The following PYGM variants were observed in gnomAD, a reference collection of about 807,000 sequenced individuals.
PYGM encodes glycogen phosphorylase, muscle associated.
In PYGM, 81 loss-of-function variants were observed where a neutral mutation model predicts 99.3. That is an observed-to-expected ratio of 0.82 (90% CI 0.68 to 0.98). PYGM has a LOEUF of 0.98. Among genes scored for constraint, PYGM ranks in the 50% least tolerant of loss-of-function variants. The probability of loss-of-function intolerance (pLI) is 0.00; values close to 1 mark genes in which losing one functional copy is unlikely to be tolerated. For missense variants in PYGM, 1,030 were observed against 1,158.1 expected (o/e 0.89, Z 1.61); for synonymous variants, 436 against 451.5 (o/e 0.97, Z 0.44).
At chr11:64,749,273 G>A (rs2135826735) in intron 17 of PYGM, among the ~76,000 whole-genome samples, 1 of 152,258 alleles carries the variant, frequency 6.6e-6, no homozygotes, top group East Asian at 1.9e-4. Context: ...CTTGTACCCG[G>A]GCGGTGGAGG....
chr11:64,757,885 C>A lies in PYGM; in HGVS notation c.554G>T (p.Arg185Leu). 6.2e-7 allele frequency: 1 copy of A among 1,614,122 alleles called. No homozygotes were observed. Among genetic ancestry groups the A allele is most frequent in the Non-Finnish European group, 8.5e-7 (1 of 1,180,038 alleles). Residue 185 changes from arginine (R) to leucine (L), a missense_variant, in exon 5 of 20, where the codon CGC becomes CTC. Arg to Leu is a moderately radical substitution (Grantham distance 102, BLOSUM62 -2). Coordinates refer to ENST00000164139, the MANE Select transcript of PYGM (RefSeq NM_005609.4). ...WQMEEADDWL[R>L]YGNPWEKARP... ...GGCCTTCTCCCAGGGGTTGCCGTAG[C>A]GAAGCCAGTCATCGGCCTCCTCCAT... is the stretch of plus-strand genomic sequence containing the variant.
At chr11:64,752,250 A>G (rs2058361900) in intron 13 of PYGM, among the ~76,000 whole-genome samples, 153 bp downstream of exon 13, 1 of 152,110 alleles carries the variant, frequency 6.6e-6, no homozygotes, top group Non-Finnish European at 1.5e-5. Context: ...GTGAGGTCAG[A>G]TGATGCCTTC....
intron 4 of PYGM, 41 bp from the exon 5 acceptor site, chr11:64,757,951 A>G (rs1384826324): frequency 1.2e-6 from 2 of 1,612,262 alleles, no homozygotes; most frequent in African/African-American, 2.7e-5. Flanking sequence ...CAGCAGTATC[A>G]GTACAGGCAC....
intron 5 of PYGM, among the ~76,000 whole-genome samples, chr11:64,756,974 AT>A (rs915391493): frequency 2.0e-5 from 3 of 149,906 alleles, no homozygotes; most frequent in South Asian, 2.1e-4. Flanking sequence ...AATTTTTTAA[AT>A]TTTTTTTTTG....
At position 64,754,559 on chromosome 11, in the gene PYGM, C is replaced by T; in HGVS notation, c.999+134G>A. 1 of 1,348,514 alleles carries T rather than the reference C, an allele frequency of 7.4e-7. No individual in the cohort carries two copies. The highest frequency in any genetic ancestry group is 1.0e-6 in the Non-Finnish European group (1 of 980,286). 83.5% of individuals were successfully genotyped at this position (1,348,514 alleles called of 1,614,324 possible). A position where few individuals can be genotyped will look rare whatever the true frequency, so the allele number is the denominator to read the frequency against. The stretch of plus-strand genomic sequence containing the variant: ...GGTTCTGAGCCTGTGGATTGTGAAT[C>T]CTGAACAACTGACCCTCCCACACTC... On this transcript the variant is annotated intron_variant, in intron 8 of 19. Coordinates refer to ENST00000164139, the MANE Select transcript of PYGM (RefSeq NM_005609.4). The surrounding 1 kb of genome is among the most constrained non-coding windows in gnomAD (Gnocchi z 5.5).
Position 64,752,496 on chromosome 11 carries a change from C to A in PYGM, c.1527G>T (p.Gly509=), listed in dbSNP as rs114730784. Reference sequence around the variant, plus strand: ...GGTCCAGGTCAGAGATGAAGTCCTCCCCGATGCGCTATGGGAAGACGGCTC... The same window carrying A: ...GGTCCAGGTCAGAGATGAAGTCCTCACCGATGCGCTATGGGAAGACGGCTC... ...GLAEVIAERI[G]EDFISDLDQL... Residue 509 remains glycine, a synonymous_variant, in exon 13 of 20, where the codon GGG becomes GGT. Coordinates refer to ENST00000164139, the MANE Select transcript of PYGM (RefSeq NM_005609.4). 2.2e-4 allele frequency: 363 copies of A among 1,613,968 alleles called. 4 individuals carry two copies. The East Asian group carries it at 4.7e-3, about 21-fold the overall frequency.
At position 64,758,371 on chromosome 11, in the gene PYGM, G is replaced by A. The variant is rs61884454; in HGVS notation, c.425-22C>T. 0.031 allele frequency: 49,316 copies of A among 1,612,576 alleles called. 1,164 individuals are homozygous for A. Among genetic ancestry groups the A allele is most frequent in the Admixed American group, 0.11 (6,593 of 60,004 alleles). On this transcript the variant is annotated intron_variant, in intron 3 of 19. Coordinates refer to ENST00000164139, the MANE Select transcript of PYGM (RefSeq NM_005609.4). ...CAGGCTGGGGGTGTGCAGGGAGGTG[G>A]CTGTCAGGGACCCAGCAAGGAGGAC...
chr11:64,754,439 C>A lies in PYGM; in HGVS notation c.1000-94G>T. The A allele has an allele frequency of 2.5e-6, 3 of 1,221,782 alleles. No homozygotes were observed. The highest frequency in any genetic ancestry group is 2.5e-5 in the East Asian group (1 of 40,602). The allele number at this position is 1,221,782 out of a possible 1,614,324, so 75.7% of individuals were successfully genotyped here. A position where few individuals can be genotyped will look rare whatever the true frequency, so the allele number is the denominator to read the frequency against. ...ATTTGGAGGCCCCCAGAGAGCCCAG[C>A]ACGGTTCTGTGACTGGGCTGTGGGC... On this transcript the variant is annotated intron_variant, in intron 8 of 19. Coordinates refer to ENST00000164139, the MANE Select transcript of PYGM (RefSeq NM_005609.4). The surrounding 1 kb of genome is among the most constrained non-coding windows in gnomAD (Gnocchi z 5.5).
chr11:64,754,443 G>T lies in PYGM; in HGVS notation c.1000-98C>A. The T allele has an allele frequency of 9.7e-7, 1 of 1,028,222 alleles. No homozygotes were observed. Among genetic ancestry groups the T allele is most frequent in the Non-Finnish European group, 1.4e-6 (1 of 713,094 alleles). The allele number at this position is 1,028,222 out of a possible 1,614,324, so 63.7% of individuals were successfully genotyped here. A position where few individuals can be genotyped will look rare whatever the true frequency, so the allele number is the denominator to read the frequency against. ...GGAGGCCCCCAGAGAGCCCAGCACG[G>T]TTCTGTGACTGGGCTGTGGGCAGAG... is the stretch of plus-strand genomic sequence containing the variant. On this transcript the variant is annotated intron_variant, in intron 8 of 19. Coordinates refer to ENST00000164139, the MANE Select transcript of PYGM (RefSeq NM_005609.4). This position sits in a 1 kb window ranked among gnomAD's most constrained non-coding sequence, Gnocchi z 5.5.
intron 17 of PYGM, 124 bp from the exon 18 acceptor site, chr11:64,747,482 T>C: frequency 7.6e-7 from 1 of 1,315,170 alleles, no homozygotes; most frequent in African/African-American, 1.4e-5. Context: ...TCCCCAGGGC[T>C]GCCACATCGC....
chr11:64,751,206 G>A, intron 16 of PYGM, 119 bp downstream of exon 16: 2 of 1,456,302 alleles, frequency 1.4e-6, no homozygotes, highest in South Asian at 2.4e-5. Flanking sequence ...CATGGTTTAA[G>A]CATTGCCCTC....
At chr11:64,752,626 C>CAG in intron 12 of PYGM, 122 bp from the exon 13 acceptor site, 1 of 1,011,138 alleles carries the variant, frequency 9.9e-7, no homozygotes, top group Non-Finnish European at 1.5e-6. Flanking sequence ...GGGGCCCTCC[C>CAG]AGCCCCTCCT....
At position 64,751,332 on chromosome 11, in the gene PYGM, G is replaced by C. The variant is rs368964406; in HGVS notation, c.1962C>G (p.Ala654=). Residue 654 remains alanine (A), a synonymous_variant, in exon 16 of 20, where the codon GCC becomes GCG. Coordinates refer to ENST00000164139, the MANE Select transcript of PYGM (RefSeq NM_005609.4). ...CCTGTTGGCAGCACCCACCTTTCTC[G>C]GCCAGTGAGACTCGGTAGTTCTCCA... The part of the protein sequence containing the change: ...IFLENYRVSL[A]EKVIPAADLS... 53 of 1,614,118 alleles carry C rather than the reference G, an allele frequency of 3.3e-5. No individual in the cohort carries two copies. The highest frequency in any genetic ancestry group is 4.3e-5 in the Non-Finnish European group (51 of 1,180,042).
Position 64,746,957 on chromosome 11 carries a change from G to GAAGACTACAT in PYGM, c.2342_2343insATGTAGTCTT (p.Tyr781Ter). On this transcript the variant is annotated stop_gained and frameshift_variant, in exon 19 of 20. Coordinates refer to ENST00000164139, the MANE Select transcript of PYGM (RefSeq NM_005609.4). LOFTEE classifies it high-confidence loss of function. ...CGCTGACTTTCTCCTGGCATTTAATGTAGTCTTCATAATCTGCGAAGACTT... is the reference window on the plus strand; with the variant it reads ...CGCTGACTTTCTCCTGGCATTTAATGAAGACTACATTAGTCTTCATAATCTGCGAAGACTT... 6.2e-7 allele frequency: 1 copy of GAAGACTACAT among 1,614,170 alleles called. No homozygotes were observed. Among genetic ancestry groups the GAAGACTACAT allele is most frequent in the Non-Finnish European group, 8.5e-7 (1 of 1,180,024 alleles).
In PYGM at chr11:64,755,140, G is replaced by C; in HGVS notation, c.855+133C>G. On this transcript the variant is annotated intron_variant, in intron 7 of 19. Coordinates refer to ENST00000164139, the MANE Select transcript of PYGM (RefSeq NM_005609.4). The surrounding 1 kb of genome is among the most constrained non-coding windows in gnomAD (Gnocchi z 4.1). ...TTGCACTCAAAAGACTTGAGGTGGG[G>C]GCACAGGATGCACAAGGCCAGCAAT... is the stretch of plus-strand genomic sequence containing the variant. The C allele has an allele frequency of 9.0e-7, 1 of 1,114,310 alleles. No individual in the cohort carries two copies. Among genetic ancestry groups the C allele is most frequent in the Non-Finnish European group, 1.3e-6 (1 of 749,452 alleles). 69.0% of individuals were successfully genotyped at this position (1,114,310 alleles called of 1,614,324 possible). A position where few individuals can be genotyped will look rare whatever the true frequency, so the allele number is the denominator to read the frequency against.
chr11:64,756,025 T>C (rs2058392543), intron 5 of PYGM, among the ~76,000 whole-genome samples: 1 of 152,216 alleles, frequency 6.6e-6, no homozygotes, highest in Admixed American at 6.5e-5. Flanking sequence ...TAATTCACGG[T>C]GACTAATTCT....
intron 17 of PYGM, chr11:64,748,808 G>C (rs1194459485): frequency 6.6e-6 from 1 of 152,158 alleles, no homozygotes; most frequent in Non-Finnish European, 1.5e-5. Context: ...CCAGCACTTT[G>C]GGAGGCCGAG....
At chr11:64,760,437 T>C (rs1413596432), upstream of PYGM, 1 of 171,238 alleles carries the variant, frequency 5.8e-6, no homozygotes, top group Non-Finnish European at 1.3e-5. Flanking sequence ...CGACCCTGCA[T>C]TGCAGGGGTG....
chr11:64,748,782 GC>G (rs1400317185), intron 17 of PYGM: 1 of 152,220 alleles, frequency 6.6e-6, no homozygotes, highest in African/African-American at 2.4e-5. Flanking sequence ...GGGCGCGGTG[GC>G]TCACGCCTGT....
Sources: allele counts gnomAD v4.1 joint callset (sites outside exome capture counted in the v4.1 genomes callset), GRCh38; gene constraint gnomAD v4.1.1; non-coding constraint Gnocchi (gnomAD v3.1); transcripts MANE v1.5; gene names NCBI Gene and HGNC (gene_info 2026-07-23, HGNC 2026-07-21).